The following GNAL variants were observed in gnomAD, a reference collection of about 807,000 sequenced individuals.
GNAL encodes G protein subunit alpha L.
In GNAL, 18 loss-of-function variants were observed where a neutral mutation model predicts 55.1. The observed-to-expected ratio is 0.33, with a 90% CI of 0.23 to 0.48. The LOEUF (loss-of-function observed/expected upper bound fraction) is 0.48, where lower values mean the gene tolerates loss of function less well. Ranked by LOEUF, GNAL falls within the 20% of genes least tolerant of loss-of-function variation. The pLI is 0.99. For missense variants in GNAL, 412 were observed against 614.1 expected (o/e 0.67, Z 3.48); for synonymous variants, 253 against 237.0 (o/e 1.07, Z -0.62).
intron 1 of GNAL, among the ~76,000 whole-genome samples, chr18:11,744,078 A>C (rs1029194832): frequency 4.6e-5 from 7 of 152,296 alleles, no homozygotes; most frequent in African/African-American, 1.4e-4. Context: ...TTAAACTCCT[A>C]TCTGTGCCAC....
In GNAL at chr18:11,786,687, G is replaced by T. The variant is rs942909148; in HGVS notation, c.624+32742G>T. Among the ~76,000 whole-genome samples the T allele has an allele frequency of 2.0e-5, 3 of 146,942 alleles. No individual in the cohort carries two copies. The South Asian group carries it at 6.3e-4, about 31-fold the overall frequency. ...AGGATGGTCTCCATCTCCTGACCTC[G>T]TGATCTGCCCACCTCGGCCTCCCAA... is the stretch of plus-strand genomic sequence containing the variant. On this transcript the variant is annotated intron_variant, in intron 4 of 11. Transcript: ENST00000334049.
intron 4 of GNAL, among the ~76,000 whole-genome samples, chr18:11,761,853 G>A (rs2143186985): frequency 6.6e-6 from 1 of 152,324 alleles, no homozygotes; most frequent in Middle Eastern, 3.4e-3. Flanking sequence ...CCTAAGGCAT[G>A]TTCTCTGGTT....
chr18:11,884,702 G>C lies in GNAL; in HGVS notation c.*3567G>C. ...ACACCGCAGTCTTAGAAACAGCAGA[G>C]GGAAGACTGCCTTCTCAGGTCCCCC... On this transcript the variant is annotated 3_prime_UTR_variant, in exon 12 of 12. Transcript: ENST00000334049. 6.7e-7 allele frequency: 1 copy of C among 1,483,250 alleles called. No individual in the cohort carries two copies. Among genetic ancestry groups the C allele is most frequent in the Non-Finnish European group, 9.3e-7 (1 of 1,077,780 alleles). 91.9% of individuals were successfully genotyped at this position (1,483,250 alleles called of 1,614,324 possible). A position where few individuals can be genotyped will look rare whatever the true frequency, so the allele number is the denominator to read the frequency against.
intron 1 of GNAL, among the ~76,000 whole-genome samples, chr18:11,722,504 G>A (rs2032117961): frequency 6.6e-6 from 1 of 152,184 alleles, no homozygotes; most frequent in Admixed American, 6.5e-5. Flanking sequence ...ACCCTTCACT[G>A]TACCATAAAG....
rs779701384 is a variant in GNAL, at chr18:11,752,137, C to A, written c.377-716C>A. 1 of 234,196 alleles carries A rather than the reference C, an allele frequency of 4.3e-6. No individual in the cohort carries two copies. The highest frequency in any genetic ancestry group is 7.7e-6 in the Non-Finnish European group (1 of 129,876). The allele number at this position is 234,196 out of a possible 1,614,324, so 14.5% of individuals were successfully genotyped here. ...TGTCTCCAGCGGAGACCGGCGCCCT[C>A]GCCCCCCGTCTCCGTTCATTGTGCT... On this transcript the variant is annotated intron_variant, in intron 1 of 11. Coordinates refer to ENST00000334049, the MANE Select transcript of GNAL (RefSeq NM_182978.4). This position sits in a 1 kb window ranked among gnomAD's most constrained non-coding sequence, Gnocchi z 4.5.
chr18:11,712,086 G>T (rs1428066482), intron 1 of GNAL, among the ~76,000 whole-genome samples: 1 of 152,210 alleles, frequency 6.6e-6, no homozygotes, highest in Admixed American at 6.5e-5. Flanking sequence ...CATGAGTTTT[G>T]CACCTTTTCC....
At chr18:11,723,206 G>A (rs1417200281) in intron 1 of GNAL, among the ~76,000 whole-genome samples, 1 of 152,070 alleles carries the variant, frequency 6.6e-6, no homozygotes, top group African/African-American at 2.4e-5. Context: ...AAAATAAAAC[G>A]TTGTAGTCTG....
At chr18:11,824,876 T>C (rs55800406) in intron 4 of GNAL, 42 bp from the exon 5 acceptor site, 1 of 1,023,604 alleles carries the variant, frequency 9.8e-7, no homozygotes, top group East Asian at 2.4e-5. Context: ...AAAAGGTTAT[T>C]ACACTTTTTT....
intron 5 of GNAL, among the ~76,000 whole-genome samples, chr18:11,826,769 G>C (rs1221317325): frequency 1.3e-5 from 2 of 152,194 alleles, no homozygotes; most frequent in Non-Finnish European, 2.9e-5. Flanking sequence ...ATTTGGAGAA[G>C]TTGAGTTTGA....
chr18:11,866,317 C>A (rs1287304841), intron 7 of GNAL, among the ~76,000 whole-genome samples: 1 of 150,366 alleles, frequency 6.7e-6, no homozygotes, highest in East Asian at 1.9e-4. Context: ...ATAGGATCAG[C>A]AACATACCCG....
rs1268655719 is a variant in GNAL, at chr18:11,689,288, T to G, written c.-276T>G. On this transcript the variant is annotated 5_prime_UTR_variant, in exon 1 of 12. Transcript: ENST00000334049. ...CGTCGGTTCGGTCCGCTCTGGGCGT[T>G]AGCAAGTGATCTCCAGCCAAGGCGG... 6.9e-6 allele frequency: 2 copies of G among 287,966 alleles called. No individual in the cohort carries two copies. Among genetic ancestry groups the G allele is most frequent in the Non-Finnish European group, 1.3e-5 (2 of 155,238 alleles). The allele number at this position is 287,966 out of a possible 1,614,324, so 17.8% of individuals were successfully genotyped here.
At chr18:11,754,491 C>T (rs909876093) in intron 4 of GNAL, among the ~76,000 whole-genome samples, 2 of 151,822 alleles carry the variant, frequency 1.3e-5, no homozygotes, top group African/African-American at 4.8e-5. Flanking sequence ...GGCTGATAAT[C>T]GGGAAGGCAG....
At position 11,751,204 on chromosome 18, in the gene GNAL, G is replaced by A. The variant is rs1413756028; in HGVS notation, c.377-1649G>A. On this transcript the variant is annotated intron_variant, in intron 1 of 11. Coordinates refer to ENST00000334049, the MANE Select transcript of GNAL (RefSeq NM_182978.4). This position sits in a 1 kb window ranked among gnomAD's most constrained non-coding sequence, Gnocchi z 4.5. ...GCCCACGGCTGGTGTCCACGACTTC[G>A]GCCCGGCCCCCTCTTCTGACCTCCT... 5.9e-5 allele frequency among the ~76,000 whole-genome samples: 9 copies of A among 152,244 alleles called. No individual in the cohort carries two copies. In the East Asian group the frequency reaches 1.6e-3, roughly 26 times the overall value.
At chr18:11,771,279 G>A (rs894174763) in intron 4 of GNAL, among the ~76,000 whole-genome samples, 3 of 151,036 alleles carry the variant, frequency 2.0e-5, no homozygotes, top group Non-Finnish European at 2.9e-5. Flanking sequence ...TGGTTAAAAT[G>A]TTATAGTGAG....
chr18:11,881,399 A>G lies in GNAL; in HGVS notation c.*264A>G. ...CTGCAGCAGAATCTCTCCGGGTGGG[A>G]GCCCCATTATTCATTCTCCCTTTAT... On this transcript the variant is annotated 3_prime_UTR_variant, in exon 12 of 12. Coordinates refer to ENST00000334049, the MANE Select transcript of GNAL (RefSeq NM_182978.4). This position sits in a 1 kb window ranked among gnomAD's most constrained non-coding sequence, Gnocchi z 4.8. 6 of 367,442 alleles carry G rather than the reference A, an allele frequency of 1.6e-5. 1 individual carries two copies. Among genetic ancestry groups the G allele is most frequent in the African/African-American group, 2.1e-5 (1 of 47,472 alleles). The allele number at this position is 367,442 out of a possible 1,614,324, so 22.8% of individuals were successfully genotyped here.
rs1022687922 is a variant in GNAL, at chr18:11,717,624, G to A, written c.376+27685G>A. ...ATTATGCAGCCATAAAAAAAAGAAC[G>A]AGGTCATGTCCTTTGCAGGAACATG... On this transcript the variant is annotated intron_variant, in intron 1 of 11. Transcript: ENST00000334049. 9.2e-5 allele frequency among the ~76,000 whole-genome samples: 14 copies of A among 152,320 alleles called. No individual in the cohort carries two copies. In the South Asian group the frequency reaches 1.2e-3, roughly 14 times the overall value.
Position 11,730,041 on chromosome 18 carries a change from CT to C in GNAL, c.377-22802del, listed in dbSNP as rs924939523. Among the ~76,000 whole-genome samples, 14 of 147,878 alleles carry C rather than the reference CT, an allele frequency of 9.5e-5. No homozygotes were observed. In the South Asian group the frequency reaches 1.5e-3, roughly 16 times the overall value. On this transcript the variant is annotated intron_variant, in intron 1 of 11. Transcript: ENST00000334049. ...TTAAGTTTTTCTTTTCTTTTCTTTT[CT>C]TTTTTTTTTGAGACAGAGTCTCGCT...
intron 4 of GNAL, among the ~76,000 whole-genome samples, chr18:11,755,476 C>T (rs763374311): frequency 1.1e-3 from 160 of 152,242 alleles, no homozygotes; most frequent in African/African-American, 2.2e-3. Context: ...GGGGTTTCAC[C>T]GTGTTAGCCA....
intron 1 of GNAL, among the ~76,000 whole-genome samples, chr18:11,716,364 C>T (rs2031966387): frequency 6.6e-6 from 1 of 152,162 alleles, no homozygotes; most frequent in African/African-American, 2.4e-5. Flanking sequence ...AGGAGTGAAG[C>T]TGCAGACCTT....
Sources: gnomAD v4.1 joint callset for allele counts (sites outside exome capture counted in the v4.1 genomes callset) on GRCh38, gnomAD v4.1.1 for gene constraint, Gnocchi (gnomAD v3.1) non-coding constraint, MANE v1.5 for transcripts, NCBI Gene and HGNC (gene_info 2026-07-23, HGNC 2026-07-21) for gene names.